Variants in PCDHGB2 observed in about 807,000 individuals in gnomAD.
PCDHGB2 encodes protocadherin gamma subfamily B, 2, also known as protocadherin gamma-B2.
A neutral mutation model predicts 59.3 loss-of-function variants in PCDHGB2; 55 were observed. The ratio of observed to expected loss-of-function variants is 0.93; its 90% CI spans 0.75 to 1.16. The LOEUF (loss-of-function observed/expected upper bound fraction) is 1.16. Ranked by LOEUF, PCDHGB2 falls within the 50% of genes most tolerant of loss-of-function variation. The pLI, the probability that PCDHGB2 is intolerant of heterozygous loss-of-function variation, is 0.00. For missense variants in PCDHGB2, 1,228 were observed against 1,198.5 expected, an observed-to-expected ratio of 1.02 and a Z score of -0.36; for synonymous variants, 516 against 512.0, an observed-to-expected ratio of 1.01 and a Z score of -0.11.
intron 1 of PCDHGB2, chr5:141,404,943 T>C: frequency 1.2e-6 from 2 of 1,613,914 alleles, no homozygotes; most frequent in Non-Finnish European, 8.5e-7. Context: ...ACAGTAGCCA[T>C]AGCTGACAGC....
chr5:141,489,013 C>T lies in PCDHGB2; in HGVS notation c.2422-5794C>T, dbSNP rs533320646. ...AGGTGGGAGATCTGCTCTTCCAGCC[C>T]GCCTCTCCTCCTCCAGCTCCCCAGC... On this transcript the variant is annotated intron_variant, in intron 1 of 3. Coordinates refer to ENST00000522605, the MANE Select transcript of PCDHGB2 (RefSeq NM_018923.3). The surrounding 1 kb of genome is among the most constrained non-coding windows in gnomAD (Gnocchi z 4.5). 4.6e-5 allele frequency: 20 copies of T among 438,612 alleles called. No homozygotes were observed. Among genetic ancestry groups the T allele is most frequent in the East Asian group, 2.7e-4 (8 of 29,802 alleles). The allele number at this position is 438,612 out of a possible 1,614,324, so 27.2% of individuals were successfully genotyped here.
chr5:141,474,135 G>C (rs1032470573), intron 1 of PCDHGB2, among the ~76,000 whole-genome samples: 2 of 152,062 alleles, frequency 1.3e-5, no homozygotes, highest in Admixed American at 1.3e-4. Context: ...GAAAACTACA[G>C]GCCTTATTAT....
chr5:141,489,942 C>T lies in PCDHGB2; in HGVS notation c.2422-4865C>T. On this transcript the variant is annotated intron_variant, in intron 1 of 3. Transcript: ENST00000522605. The surrounding 1 kb of genome is among the most constrained non-coding windows in gnomAD (Gnocchi z 4.5). ...CCCTTATCTCTGTCATCGTGCTGGA[C>T]ATCAATGATAATGCTCCAACCTTCC... 2 of 1,614,170 alleles carry T rather than the reference C, an allele frequency of 1.2e-6. No homozygotes were observed. The highest frequency in any genetic ancestry group is 1.7e-6 in the Non-Finnish European group (2 of 1,179,984).
intron 1 of PCDHGB2, chr5:141,371,345 T>A: frequency 6.2e-7 from 1 of 1,613,878 alleles, no homozygotes; most frequent in Non-Finnish European, 8.5e-7. Context: ...GCTACACAAT[T>A]GGGGTGGAAG....
At chr5:141,376,299 A>T (rs1314928354) in intron 1 of PCDHGB2, 2 of 1,614,164 alleles carry the variant, frequency 1.2e-6, no homozygotes, top group Non-Finnish European at 1.7e-6. Flanking sequence ...CCCGGCTCGC[A>T]CTTTGTGGGC....
At chr5:141,464,618 C>G (rs1425657373) in intron 1 of PCDHGB2, among the ~76,000 whole-genome samples, 2 of 152,092 alleles carry the variant, frequency 1.3e-5, no homozygotes, top group Non-Finnish European at 2.9e-5. Context: ...AGTATATTGT[C>G]AAGCTTTTTA....
At position 141,491,265 on chromosome 5, in the gene PCDHGB2, C is replaced by G. The variant is rs868682993; in HGVS notation, c.2422-3542C>G. ...AGGATGAGGACCCTGAGGAAATGCCCAAATCCAGTGACTTCCTCATACACC... is the reference window on the plus strand; with the variant it reads ...AGGATGAGGACCCTGAGGAAATGCCGAAATCCAGTGACTTCCTCATACACC... On this transcript the variant is annotated intron_variant, in intron 1 of 3. Transcript: ENST00000522605. The surrounding 1 kb of genome is among the most constrained non-coding windows in gnomAD (Gnocchi z 6.9). The G allele has an allele frequency of 6.2e-7, 1 of 1,614,074 alleles. No individual in the cohort carries two copies. The highest frequency in any genetic ancestry group is 8.5e-7 in the Non-Finnish European group (1 of 1,179,916).
intron 1 of PCDHGB2, chr5:141,365,387 ACC>A (rs1763882130): frequency 6.2e-7 from 1 of 1,613,814 alleles, no homozygotes; most frequent in African/African-American, 1.3e-5. Context: ...CACCTCTCTG[ACC>A]AGTTCGATCT....
chr5:141,387,227 A>T (rs1220813655), intron 1 of PCDHGB2, among the ~76,000 whole-genome samples: 3 of 152,230 alleles, frequency 2.0e-5, no homozygotes, highest in Non-Finnish European at 4.4e-5. Context: ...AAGTTGAAAT[A>T]AATCAACTTG....
intron 1 of PCDHGB2, among the ~76,000 whole-genome samples, chr5:141,382,171 G>T (rs1325332399): frequency 6.6e-6 from 1 of 151,984 alleles, no homozygotes; most frequent in African/African-American, 2.4e-5. Flanking sequence ...GTGTTAGACC[G>T]TCTCTAAGGT....
At position 141,486,367 on chromosome 5, in the gene PCDHGB2, G is replaced by A; in HGVS notation, c.2422-8440G>A. On this transcript the variant is annotated intron_variant, in intron 1 of 3. Coordinates refer to ENST00000522605, the MANE Select transcript of PCDHGB2 (RefSeq NM_018923.3). This position sits in a 1 kb window ranked among gnomAD's most constrained non-coding sequence, Gnocchi z 5.0. Reference sequence around the variant, plus strand: ...CTGACCACTTGCCATTTGCCCTCAAGTCTGCCTTCAGGAACCAGTTCTCCC... The same window carrying A: ...CTGACCACTTGCCATTTGCCCTCAAATCTGCCTTCAGGAACCAGTTCTCCC... 1 of 1,614,148 alleles carries A rather than the reference G, an allele frequency of 6.2e-7. No individual in the cohort carries two copies. Among genetic ancestry groups the A allele is most frequent in the Non-Finnish European group, 8.5e-7 (1 of 1,180,022 alleles).
chr5:141,380,586 A>G (rs1776590608), intron 1 of PCDHGB2, among the ~76,000 whole-genome samples: 1 of 152,226 alleles, frequency 6.6e-6, no homozygotes, highest in Non-Finnish European at 1.5e-5. Context: ...GCGGTCTAGT[A>G]AAGATCTTTA....
chr5:141,364,567 G>A (rs1034975661), intron 1 of PCDHGB2: 6 of 1,614,130 alleles, frequency 3.7e-6, no homozygotes, highest in Non-Finnish European at 5.1e-6. Flanking sequence ...CCCTGAACCC[G>A]CGAAGCGGCA....
chr5:141,487,041 G>C lies in PCDHGB2; in HGVS notation c.2422-7766G>C, dbSNP rs149314216. On this transcript the variant is annotated intron_variant, in intron 1 of 3. Coordinates refer to ENST00000522605, the MANE Select transcript of PCDHGB2 (RefSeq NM_018923.3). The surrounding 1 kb of genome is among the most constrained non-coding windows in gnomAD (Gnocchi z 5.0). ...GATCCCAGCCTGTTTGCAGTCTCTC[G>C]ATATGCTGGGGAGGTGCGGACGGCT... 2.5e-6 allele frequency: 4 copies of C among 1,614,018 alleles called. No homozygotes were observed. Among genetic ancestry groups the C allele is most frequent in the South Asian group, 2.2e-5 (2 of 91,084 alleles).
intron 1 of PCDHGB2, chr5:141,415,450 C>T (rs774745130): frequency 1.9e-6 from 3 of 1,614,202 alleles, no homozygotes; most frequent in Non-Finnish European, 2.5e-6. Flanking sequence ...GACCTATTCC[C>T]ACGAGGTCTC....
chr5:141,404,029 C>T (rs1363448), intron 1 of PCDHGB2: 736,203 of 1,612,620 alleles, frequency 0.46, 175,243 homozygotes, highest in African/African-American at 0.8. Flanking sequence ...TGAGAGAAGA[C>T]GCACCTCAGG....
intron 1 of PCDHGB2, among the ~76,000 whole-genome samples, chr5:141,450,894 G>A (rs919860611): frequency 2.7e-5 from 4 of 148,956 alleles, no homozygotes; most frequent in Admixed American, 1.3e-4. Context: ...GTGCGATATC[G>A]GCTCACTGCA....
At chr5:141,510,525 G>A (rs545854649) in intron 3 of PCDHGB2, among the ~76,000 whole-genome samples, 1 of 152,316 alleles carries the variant, frequency 6.6e-6, no homozygotes, top group African/African-American at 2.4e-5. Context: ...ACAGCCCTGA[G>A]AGAAATACCA....
In PCDHGB2 at chr5:141,511,286, G is replaced by A. The variant is rs1231704933; in HGVS notation, c.*113G>A. On this transcript the variant is annotated 3_prime_UTR_variant, in exon 4 of 4. Coordinates refer to ENST00000522605, the MANE Select transcript of PCDHGB2 (RefSeq NM_018923.3). The stretch of plus-strand genomic sequence containing the variant: ...GGCTAACCCCCAGAATACTGGTAGG[G>A]GCCAAGGCCATGCTCCCCTTGGGAA... 2 of 1,520,242 alleles carry A rather than the reference G, an allele frequency of 1.3e-6. No individual in the cohort carries two copies. The allele number at this position is 1,520,242 out of a possible 1,614,324, so 94.2% of individuals were successfully genotyped here.
Sources: gnomAD v4.1 joint callset for allele counts (sites outside exome capture counted in the v4.1 genomes callset) on GRCh38, gnomAD v4.1.1 for gene constraint, Gnocchi (gnomAD v3.1) non-coding constraint, MANE v1.5 for transcripts, NCBI Gene and HGNC (gene_info 2026-07-23, HGNC 2026-07-21) for gene names.